AKAP9: variants seen among roughly 807,000 people sequenced by gnomAD.
AKAP9 encodes the protein A-kinase anchor protein 9.
Under a neutral mutation model 488.5 loss-of-function variants are expected in AKAP9, and 311 were observed. The ratio of observed to expected loss-of-function variants is 0.64; its 90% CI spans 0.58 to 0.70. AKAP9 has a LOEUF of 0.70. Ranked by LOEUF, AKAP9 falls within the 30% of genes least tolerant of loss-of-function variation. AKAP9 has a pLI of 0.00. For synonymous variants in AKAP9, 1,462 were observed against 1,483.5 expected, an observed-to-expected ratio of 0.99 and a Z score of 0.33; for missense variants, 4,215 against 4,374.5, an observed-to-expected ratio of 0.96 and a Z score of 1.03.
chr7:92,086,101 T>A (rs1262528445), intron 36 of AKAP9, 127 bp from the exon 37 acceptor site: 3 of 829,844 alleles, frequency 3.6e-6, no homozygotes, highest in Admixed American at 2.9e-5. Context: ...AAGAAAAAAA[T>A]AAATAAATAA....
In AKAP9 at chr7:92,003,192, A is replaced by G; in HGVS notation, c.3275A>G (p.Asn1092Ser). The G allele has an allele frequency of 6.2e-7, 1 of 1,611,358 alleles. No homozygotes were observed. Among genetic ancestry groups the G allele is most frequent in the Non-Finnish European group, 8.5e-7 (1 of 1,178,342 alleles). Residue 1092 changes from asparagine (N) to serine (S), a missense_variant, in exon 8 of 50, where the codon AAT becomes AGT. Asn to Ser is a conservative substitution (Grantham distance 46). Transcript: ENST00000356239. The part of the protein sequence containing the change: ...SSLRATQPSE[N>S]DKLQKELNVL... ...CTTAGAGCAACTCAACCAAGTGAAA[A>G]TGATAAACTTCAGAAAGAACTCAAT...
At chr7:91,945,904 A>G (rs74371921) in intron 1 of AKAP9, among the ~76,000 whole-genome samples, 2,194 of 152,344 alleles carry the variant, frequency 0.014, 45 homozygotes, top group African/African-American at 0.05. Flanking sequence ...TTAATATAAA[A>G]TTATTACTCA....
At position 92,076,881 on chromosome 7, in the gene AKAP9, A is replaced by G; in HGVS notation, c.6639A>G (p.Glu2213=). ...KEITNLEEQL[E]QFREELENKN... ...TTACAAACTTAGAAGAGCAATTAGA[A>G]CAGTTTAGAGAAGAACTGGAAAATA... Residue 2213 remains glutamate (E), a synonymous_variant, in exon 29 of 50, where the codon GAA becomes GAG. Transcript: ENST00000356239. 1 of 1,489,276 alleles carries G rather than the reference A, an allele frequency of 6.7e-7. No homozygotes were observed. The highest frequency in any genetic ancestry group is 9.2e-7 in the Non-Finnish European group (1 of 1,084,984). 92.3% of individuals were successfully genotyped at this position (1,489,276 alleles called of 1,614,324 possible). A position where few individuals can be genotyped will look rare whatever the true frequency, so the allele number is the denominator to read the frequency against.
At position 91,992,661 on chromosome 7, in the gene AKAP9, C is replaced by CAAA. The variant is rs770870521; in HGVS notation, c.406-202_406-200dup. ...CCTGGGTGACAGAGCAAGACTCTGT[C>CAAA]AAAAAAAAAAAAAAAAAAAAAAAAC... On this transcript the variant is annotated intron_variant, in intron 4 of 49. Coordinates refer to ENST00000356239, the MANE Select transcript of AKAP9 (RefSeq NM_005751.5). Among the ~76,000 whole-genome samples, 74 of 46,534 alleles carry CAAA rather than the reference C, an allele frequency of 1.6e-3. 2 individuals carry two copies. The highest frequency in any genetic ancestry group is 2.1e-3 in the Non-Finnish European group (47 of 22,326). 30.5% of individuals were successfully genotyped at this position (46,534 alleles called of 152,430 possible).
chr7:92,041,990 C>G, intron 18 of AKAP9, 56 bp from the exon 19 acceptor site: 1 of 1,589,608 alleles, frequency 6.3e-7, no homozygotes, highest in Non-Finnish European at 8.6e-7. Flanking sequence ...CTTAATATTT[C>G]TACCCTTTTT....
intron 6 of AKAP9, 75 bp downstream of exon 6, chr7:91,994,851 T>A: frequency 7.0e-7 from 1 of 1,429,534 alleles, no homozygotes. Context: ...CAAGAACAAA[T>A]CTAAATTTGT....
chr7:92,059,277 G>GT (rs757158764), intron 22 of AKAP9, among the ~76,000 whole-genome samples: 8 of 151,764 alleles, frequency 5.3e-5, no homozygotes, highest in Non-Finnish European at 1.0e-4. Flanking sequence ...ATAGATATTA[G>GT]GAATAAACAT....
At chr7:92,049,768 AAT>A (rs1434665896) in intron 21 of AKAP9, among the ~76,000 whole-genome samples, 1 of 152,122 alleles carries the variant, frequency 6.6e-6, no homozygotes, top group Non-Finnish European at 1.5e-5. Flanking sequence ...TTATTAAGAA[AAT>A]ACCTTAAGCT....
chr7:91,985,307 A>T (rs1023121849), intron 3 of AKAP9, among the ~76,000 whole-genome samples: 1 of 152,138 alleles, frequency 6.6e-6, no homozygotes, highest in African/African-American at 2.4e-5. Flanking sequence ...TAGTTTATTG[A>T]GAGTTTTTAG....
intron 17 of AKAP9, 88 bp from the exon 18 acceptor site, chr7:92,040,586 T>C: frequency 1.1e-6 from 1 of 912,766 alleles, no homozygotes. Flanking sequence ...AGAATTGCTT[T>C]CGTATTTGTT....
intron 19 of AKAP9, 129 bp from the exon 20 acceptor site, chr7:92,042,539 C>T (rs926192): frequency 1.5e-6 from 1 of 670,380 alleles, no homozygotes; most frequent in South Asian, 1.7e-5. Flanking sequence ...ATTATACCAA[C>T]CAGTATCAAT....
At chr7:92,067,913 TTAAC>T (rs1457978543) in intron 26 of AKAP9, among the ~76,000 whole-genome samples, 1 of 152,222 alleles carries the variant, frequency 6.6e-6, no homozygotes, top group Non-Finnish European at 1.5e-5. Flanking sequence ...AGTGAACACT[TTAAC>T]TAGTATTATT....
intron 23 of AKAP9, among the ~76,000 whole-genome samples, 199 bp downstream of exon 23, chr7:92,061,621 A>ATATATATATATAT (rs1809856756): frequency 8.1e-4 from 76 of 93,852 alleles, no homozygotes; most frequent in African/African-American, 2.8e-3. Flanking sequence ...TATATATATA[A>ATATATATATATAT]AATTATAAAA....
rs1799233867 is a variant in AKAP9, at chr7:92,001,982, A to G, written c.2065A>G (p.Ile689Val). 6.2e-7 allele frequency: 1 copy of G among 1,612,794 alleles called. No homozygotes were observed. Among genetic ancestry groups the G allele is most frequent in the Non-Finnish European group, 8.5e-7 (1 of 1,179,620 alleles). The change falls in exon 8 of 50, where the codon ATA becomes GTA. Residue 689 changes from isoleucine to valine, a missense_variant. Coordinates refer to ENST00000356239, the MANE Select transcript of AKAP9 (RefSeq NM_005751.5). ...CATGCAGTTTGAAAAGGACAATTTG[A>G]TAACTAAGCAGAATCAATTAATTTT... is the stretch of plus-strand genomic sequence containing the variant. ...ETMQFEKDNL[I>V]TKQNQLILEI...
intron 16 of AKAP9, 41 bp from the exon 17 acceptor site, chr7:92,038,378 T>A: frequency 6.7e-7 from 1 of 1,500,272 alleles, no homozygotes; most frequent in East Asian, 2.3e-5. Context: ...CTGCTGATAT[T>A]TCTAAATCTA....
At chr7:92,046,242 A>G (rs1230098699) in intron 21 of AKAP9, among the ~76,000 whole-genome samples, 1 of 152,142 alleles carries the variant, frequency 6.6e-6, no homozygotes, top group East Asian at 1.9e-4. Context: ...AGAGGGGAAA[A>G]GTTTTGTGAG....
chr7:92,101,031 C>T lies in AKAP9; in HGVS notation c.11072C>T (p.Pro3691Leu), dbSNP rs2130909754. ...GACTCTTTACTTCAAACTCTGAGCC[C>T]TGATTCTGAACATGTCACTTTAAAG... Reference protein sequence around the residue: ...RNDSLLQTLSPDSEHVTLKRI... With the variant: ...RNDSLLQTLSLDSEHVTLKRI... Residue 3691 changes from proline to leucine, a missense_variant, in exon 45 of 50, where the codon CCT (proline) becomes CTT (leucine). Transcript: ENST00000356239. 6.2e-7 allele frequency: 1 copy of T among 1,613,884 alleles called. No individual in the cohort carries two copies. Among genetic ancestry groups the T allele is most frequent in the East Asian group, 2.2e-5 (1 of 44,868 alleles).
chr7:91,947,891 G>A (rs1022069009), intron 1 of AKAP9, among the ~76,000 whole-genome samples: 2 of 152,138 alleles, frequency 1.3e-5, no homozygotes, highest in African/African-American at 4.8e-5. Flanking sequence ...TACTGCTTCT[G>A]TCTACTTCCC....
chr7:92,001,707 A>T lies in AKAP9; in HGVS notation c.1790A>T (p.Lys597Met). The T allele has an allele frequency of 6.2e-7, 1 of 1,612,476 alleles. No homozygotes were observed. The highest frequency in any genetic ancestry group is 2.2e-5 in the East Asian group (1 of 44,836). Residue 597 changes from lysine (K) to methionine (M), a missense_variant, in exon 8 of 50, where the codon AAG becomes ATG. Physicochemically the swap from Lys to Met is moderately conservative, Grantham distance 95. Coordinates refer to ENST00000356239, the MANE Select transcript of AKAP9 (RefSeq NM_005751.5). ...CATGAAGCAGAAGTTACAAATTACA[A>T]GATAAAACTTGAAATGTTAGAAAAA... ...LKHEAEVTNY[K>M]IKLEMLEKEK...
Sources: gnomAD v4.1 joint callset for allele counts (sites outside exome capture counted in the v4.1 genomes callset) on GRCh38, gnomAD v4.1.1 for gene constraint, MANE v1.5 for transcripts, NCBI Gene and HGNC (gene_info 2026-07-23, HGNC 2026-07-21) for gene names.